The following GART variants were observed in gnomAD, a reference collection of about 807,000 sequenced individuals.
The protein encoded by GART is trifunctional purine biosynthetic protein adenosine-3.
GART carries 43 observed loss-of-function variants against 107.2 expected under a neutral mutation model. The observed-to-expected ratio is 0.40, with a 90% CI of 0.31 to 0.52. The LOEUF (loss-of-function observed/expected upper bound fraction) is 0.52, where lower values mean the gene tolerates loss of function less well. GART is among the 20% of genes least tolerant of loss of function. The pLI is 0.52. For missense variants in GART, 1,107 were observed against 1,206.5 expected, an observed-to-expected ratio of 0.92 and a Z score of 1.22; for synonymous variants, 434 against 427.0, an observed-to-expected ratio of 1.02 and a Z score of -0.20.
chr21:33,538,174 C>T (rs2085338602), intron 2 of GART, among the ~76,000 whole-genome samples: 1 of 145,798 alleles, frequency 6.9e-6, no homozygotes, highest in Non-Finnish European at 1.5e-5. Flanking sequence ...AACTCAGGAG[C>T]CAGAGGTTGC....
rs1238441977 is a variant in GART, at chr21:33,504,331, A to G, written c.2842-16T>C. On this transcript the variant is annotated splice_polypyrimidine_tract_variant and intron_variant, in intron 21 of 21. Transcript: ENST00000381815. ...CCACATCTTCCTGGAAAAGTAAGCA[A>G]AAGTTTTGAACATTACCTTCTAGCC... 1.9e-6 allele frequency: 3 copies of G among 1,612,846 alleles called. No homozygotes were observed. Among genetic ancestry groups the G allele is most frequent in the Non-Finnish European group, 2.5e-6 (3 of 1,179,038 alleles).
At position 33,517,125 on chromosome 21, in the gene GART, C is replaced by A. The variant is rs142084025; in HGVS notation, c.1971G>T (p.Thr657=). 1.2e-6 allele frequency: 2 copies of A among 1,608,870 alleles called. No individual in the cohort carries two copies. Among genetic ancestry groups the A allele is most frequent in the South Asian group, 2.2e-5 (2 of 89,582 alleles). Residue 657 remains threonine (T), a synonymous_variant, in exon 16 of 22, where the codon ACG becomes ACT. Coordinates refer to ENST00000381815, the MANE Select transcript of GART (RefSeq NM_000819.5). ...GDQTLGDLLL[T]PTRIYSHSLL... is the part of the protein sequence containing the mutation. Reference sequence around the variant, plus strand: ...GTGAATGGCTGTAGATTCTGGTAGGCGTGAGAAGTAAGTCCCCTGCATGTT... The same window carrying A: ...GTGAATGGCTGTAGATTCTGGTAGGAGTGAGAAGTAAGTCCCCTGCATGTT...
intron 10 of GART, among the ~76,000 whole-genome samples, chr21:33,525,838 T>A (rs902630217): frequency 1.3e-5 from 2 of 151,896 alleles, no homozygotes; most frequent in Non-Finnish European, 2.9e-5. Context: ...TCTGATCACA[T>A]TAATCTTTTC....
chr21:33,531,533 C>T lies in GART; in HGVS notation c.553G>A (p.Glu185Lys). The T allele has an allele frequency of 6.2e-7, 1 of 1,611,732 alleles. No individual in the cohort carries two copies. The highest frequency in any genetic ancestry group is 1.1e-5 in the South Asian group (1 of 90,852). ...MQEKAFGAAG[E>K]TIVIEELLDG... The stretch of plus-strand genomic sequence containing the variant: ...AGAAGTTCTTCAATGACAATTGTTT[C>T]TCCAGCTGCCCCAAAGGCTTTCTCC... Residue 185 changes from glutamate to lysine, a missense_variant, in exon 6 of 22, where the codon GAA (glutamate) becomes AAA (lysine). Coordinates refer to ENST00000381815, the MANE Select transcript of GART (RefSeq NM_000819.5).
In GART at chr21:33,536,168, A is replaced by G. The variant is rs529228891; in HGVS notation, c.146-848T>C. The stretch of plus-strand genomic sequence containing the variant: ...AACAAATTAAGCAAATTTGATATGA[A>G]GTGAATTGAGAGGCTATTTTGGGTT... On this transcript the variant is annotated intron_variant, in intron 2 of 21. Coordinates refer to ENST00000381815, the MANE Select transcript of GART (RefSeq NM_000819.5). 2.0e-5 allele frequency among the ~76,000 whole-genome samples: 3 copies of G among 152,348 alleles called. No individual in the cohort carries two copies. In the East Asian group the frequency reaches 5.8e-4, roughly 29 times the overall value.
intron 16 of GART, among the ~76,000 whole-genome samples, chr21:33,513,894 A>T (rs532054062): frequency 1.3e-5 from 2 of 152,342 alleles, no homozygotes; most frequent in Non-Finnish European, 2.9e-5. Flanking sequence ...TTTATAGGAA[A>T]AAACACTGGC....
At chr21:33,519,697 C>G (rs145384637) in intron 14 of GART, among the ~76,000 whole-genome samples, 1 of 151,908 alleles carries the variant, frequency 6.6e-6, no homozygotes, top group East Asian at 1.9e-4. Flanking sequence ...GTTGGTGACA[C>G]ATGCCTGTAG....
chr21:33,520,644 A>G, intron 13 of GART, 82 bp from the exon 14 acceptor site: 1 of 1,244,010 alleles, frequency 8.0e-7, no homozygotes, highest in South Asian at 1.4e-5. Flanking sequence ...TGCTCTTAAC[A>G]CCTAAAAACA....
chr21:33,528,260 G>A lies in GART; in HGVS notation c.973C>T (p.Leu325=). 6.2e-7 allele frequency: 1 copy of A among 1,614,096 alleles called. No individual in the cohort carries two copies. Among genetic ancestry groups the A allele is most frequent in the Non-Finnish European group, 8.5e-7 (1 of 1,179,974 alleles). The change falls in exon 10 of 22, where the codon CTG becomes TTG. Residue 325 remains leucine, a synonymous_variant. Transcript: ENST00000381815. The part of the protein sequence containing the change: ...STLDGLLCTS[L]PVWLENHTAL... ...GTGTGGTTTTCTAGCCAAACAGGCA[G>A]AGATGTGCAGAGCAGTCCATCTAAG...
At chr21:33,540,920 G>T (rs2085401942) in intron 1 of GART, among the ~76,000 whole-genome samples, 1 of 152,142 alleles carries the variant, frequency 6.6e-6, no homozygotes, top group East Asian at 1.9e-4. Context: ...GCCCAGATAG[G>T]TAAATAACTT....
chr21:33,530,328 C>G (rs1393709950), intron 7 of GART, among the ~76,000 whole-genome samples: 2 of 152,196 alleles, frequency 1.3e-5, no homozygotes, highest in African/African-American at 4.8e-5. Flanking sequence ...AAATTCTGAT[C>G]TGACTTGGTT....
At chr21:33,530,126 A>C (rs2085155566) in intron 7 of GART, among the ~76,000 whole-genome samples, 1 of 152,220 alleles carries the variant, frequency 6.6e-6, no homozygotes, top group Non-Finnish European at 1.5e-5. Flanking sequence ...CAGGAGGTGG[A>C]GGATGTAGTG....
chr21:33,508,115 T>C (rs370941794), intron 18 of GART, among the ~76,000 whole-genome samples: 1 of 152,208 alleles, frequency 6.6e-6, no homozygotes, highest in East Asian at 1.9e-4. Context: ...GTTCCATCCA[T>C]ATTGCTGCAA....
chr21:33,539,318 TTC>T lies in GART; in HGVS notation c.-5_-4del. The T allele has an allele frequency of 6.2e-7, 1 of 1,608,342 alleles. No individual in the cohort carries two copies. The highest frequency in any genetic ancestry group is 8.5e-7 in the Non-Finnish European group (1 of 1,178,442). ...ATTATAAGTACTCGGGCTGCCATTGTTCTGTCTGTAAAGCAGAAATTCCAAAG... is the reference window on the plus strand; with the variant it reads ...ATTATAAGTACTCGGGCTGCCATTGTTGTCTGTAAAGCAGAAATTCCAAAG... On this transcript the variant is annotated 5_prime_UTR_variant, in exon 2 of 22. Coordinates refer to ENST00000381815, the MANE Select transcript of GART (RefSeq NM_000819.5).
intron 4 of GART, among the ~76,000 whole-genome samples, 175 bp from the exon 5 acceptor site, chr21:33,532,631 G>A (rs988078375): frequency 3.9e-5 from 6 of 152,090 alleles, no homozygotes; most frequent in African/African-American, 9.7e-5. Flanking sequence ...TTTCCCCTAC[G>A]TATTCCTTTG....
intron 11 of GART, among the ~76,000 whole-genome samples, 185 bp from the exon 12 acceptor site, chr21:33,522,467 T>A (rs2145719013): frequency 6.6e-6 from 1 of 152,356 alleles, no homozygotes; most frequent in Non-Finnish European, 1.5e-5. Flanking sequence ...GGGCAGGCTC[T>A]GGGAATTGAA....
In GART at chr21:33,521,053, T is replaced by C. The variant is rs748009247; in HGVS notation, c.1394-38A>G. 1.6e-5 allele frequency: 23 copies of C among 1,482,466 alleles called. No individual in the cohort carries two copies. The Admixed American group carries it at 2.2e-4, about 14-fold the overall frequency. The allele number at this position is 1,482,466 out of a possible 1,614,324, so 91.8% of individuals were successfully genotyped here. ...AAATTAATTACTTGCTACATTTTAA[T>C]AGATTAAACATGTAATTATTTAAAT... On this transcript the variant is annotated intron_variant, in intron 12 of 21. Transcript: ENST00000381815.
At chr21:33,516,226 C>A (rs1184804799) in intron 16 of GART, among the ~76,000 whole-genome samples, 6 of 132,456 alleles carry the variant, frequency 4.5e-5, no homozygotes, top group Non-Finnish European at 6.2e-5. Context: ...CCAGCCTGGG[C>A]TACAGAGTGA....
intron 14 of GART, among the ~76,000 whole-genome samples, chr21:33,518,302 ACT>A (rs1411649640): frequency 2.0e-5 from 3 of 152,158 alleles, no homozygotes; most frequent in South Asian, 2.1e-4. Flanking sequence ...ACATGGCGAA[ACT>A]CTGTCTCTAC....
Sources: allele counts gnomAD v4.1 joint callset (sites outside exome capture counted in the v4.1 genomes callset), GRCh38; gene constraint gnomAD v4.1.1; transcripts MANE v1.5; gene names NCBI Gene and HGNC (gene_info 2026-07-23, HGNC 2026-07-21).